The following LRBA variants were observed in gnomAD, a reference collection of about 807,000 sequenced individuals.
The protein encoded by LRBA is LPS responsive beige-like anchor protein.
LRBA carries 176 observed loss-of-function variants against 330.0 expected under a neutral mutation model. The ratio of observed to expected loss-of-function variants is 0.53; its 90% CI spans 0.47 to 0.60. LRBA has a LOEUF of 0.60. Ranked by LOEUF, LRBA falls within the 20% of genes least tolerant of loss-of-function variation. The probability of loss-of-function intolerance (pLI) is 0.00; values close to 1 mark genes in which losing one functional copy is unlikely to be tolerated. For missense variants in LRBA, 3,259 were observed against 3,444.8 expected (o/e 0.95, Z 1.35); for synonymous variants, 1,230 against 1,193.0 (o/e 1.03, Z -0.64).
chr4:150,445,717 T>C (rs1181912541), intron 44 of LRBA, among the ~76,000 whole-genome samples: 1 of 152,110 alleles, frequency 6.6e-6, no homozygotes, highest in Non-Finnish European at 1.5e-5. Flanking sequence ...CTGGCTCACA[T>C]GCAGTGATAC....
At chr4:150,959,537 C>A (rs1260392020) in intron 2 of LRBA, among the ~76,000 whole-genome samples, 1 of 148,930 alleles carries the variant, frequency 6.7e-6, no homozygotes, top group Non-Finnish European at 1.5e-5. Flanking sequence ...TGCCTACTGG[C>A]CAAAAATAAA....
intron 40 of LRBA, chr4:150,581,457 A>G: frequency 3.0e-6 from 1 of 332,438 alleles, no homozygotes; most frequent in Non-Finnish European, 6.0e-6. Context: ...CCTTTCCCAG[A>G]TTCCCCTTTC....
In LRBA at chr4:150,867,875, G is replaced by T. The variant is rs200738977; in HGVS notation, c.2574-12C>A. On this transcript the variant is annotated splice_polypyrimidine_tract_variant and intron_variant, in intron 21 of 56. Transcript: ENST00000651943. The stretch of plus-strand genomic sequence containing the variant: ...ATTGTAGCAAGCTCCTGAAAATTAT[G>T]AGAGGGTACTAAATTACTGAAGAAA... 1.9e-6 allele frequency: 3 copies of T among 1,590,324 alleles called. No homozygotes were observed. The highest frequency in any genetic ancestry group is 2.6e-6 in the Non-Finnish European group (3 of 1,167,124).
intron 47 of LRBA, among the ~76,000 whole-genome samples, chr4:150,374,082 C>T (rs898909878): frequency 6.6e-6 from 1 of 152,176 alleles, no homozygotes; most frequent in Non-Finnish European, 1.5e-5. Context: ...AATCTTCACT[C>T]CTTCACTCAA....
At chr4:150,958,468 A>G (rs10033792) in intron 2 of LRBA, among the ~76,000 whole-genome samples, 10,396 of 149,032 alleles carry the variant, frequency 0.07, 1,310 homozygotes, top group East Asian at 0.19. Flanking sequence ...CAGGCCTGTG[A>G]TGGGAGGGGC....
chr4:150,713,987 C>G (rs1016097972), intron 36 of LRBA, among the ~76,000 whole-genome samples: 15 of 152,126 alleles, frequency 9.9e-5, no homozygotes, highest in African/African-American at 3.4e-4. Flanking sequence ...GTGAGCCAGT[C>G]TGATAGTTTA....
chr4:150,396,251 T>C (rs1429964409), intron 47 of LRBA, among the ~76,000 whole-genome samples: 1 of 152,182 alleles, frequency 6.6e-6, no homozygotes, highest in African/African-American at 2.4e-5. Context: ...TTAGAGCTCC[T>C]GGTCTGTGAG....
intron 2 of LRBA, among the ~76,000 whole-genome samples, chr4:151,011,431 C>T (rs1487264531): frequency 2.0e-5 from 3 of 151,844 alleles, no homozygotes. Flanking sequence ...AACCCCGCCT[C>T]TACCAAAAAT....
In LRBA at chr4:150,891,379, A is replaced by G. The variant is rs182057762; in HGVS notation, c.2165+1673T>C. On this transcript the variant is annotated intron_variant, in intron 17 of 56. Coordinates refer to ENST00000651943, the MANE Select transcript of LRBA (RefSeq NM_001364905.1). ...TGTAAATTTACCTCTTACAATGCTTAACTTTATGTGTCAACTGGGCTAGGC... is the reference window on the plus strand; with the variant it reads ...TGTAAATTTACCTCTTACAATGCTTGACTTTATGTGTCAACTGGGCTAGGC... 1.8e-4 allele frequency among the ~76,000 whole-genome samples: 27 copies of G among 152,356 alleles called. 1 individual carries two copies. The highest frequency in any genetic ancestry group is 3.1e-4 in the Non-Finnish European group (21 of 68,024).
intron 35 of LRBA, among the ~76,000 whole-genome samples, chr4:150,760,683 A>C (rs748494609): frequency 2.0e-5 from 3 of 152,006 alleles, no homozygotes; most frequent in Admixed American, 6.6e-5. Context: ...CATAACCTCC[A>C]ATTTTCTAAT....
At chr4:150,296,258 GACCCCACTCACCCA>G (rs1461214838) in intron 53 of LRBA, among the ~76,000 whole-genome samples, 3 of 152,048 alleles carry the variant, frequency 2.0e-5, no homozygotes, top group African/African-American at 7.2e-5. Flanking sequence ...AAACACTCCT[GACCCCACTCACCCA>G]AAGGAAATAA....
intron 2 of LRBA, among the ~76,000 whole-genome samples, chr4:151,008,255 AT>A (rs1744351194): frequency 6.6e-6 from 1 of 151,728 alleles, no homozygotes; most frequent in Non-Finnish European, 1.5e-5. Flanking sequence ...TAATTTTTGT[AT>A]TTTTAGTAGA....
At chr4:150,415,006 A>G (rs1309045735) in intron 47 of LRBA, among the ~76,000 whole-genome samples, 1 of 152,204 alleles carries the variant, frequency 6.6e-6, no homozygotes, top group Non-Finnish European at 1.5e-5. Context: ...CATATTCTCA[A>G]TATTACACGA....
At chr4:150,756,994 A>C (rs1362403129) in intron 35 of LRBA, among the ~76,000 whole-genome samples, 1 of 152,198 alleles carries the variant, frequency 6.6e-6, no homozygotes, top group Admixed American at 6.5e-5. Context: ...GTATTCAGGA[A>C]TAACAATGTT....
At chr4:150,950,817 CAGAG>C (rs1028013049) in intron 2 of LRBA, among the ~76,000 whole-genome samples, 6 of 152,164 alleles carry the variant, frequency 3.9e-5, no homozygotes, top group African/African-American at 1.4e-4. Flanking sequence ...ACCCAGGTCA[CAGAG>C]AGGTCACTTA....
At chr4:150,678,261 A>T in intron 37 of LRBA, among the ~76,000 whole-genome samples, 1 of 150,890 alleles carries the variant, frequency 6.6e-6, no homozygotes. Context: ...AAAAAAAAAG[A>T]AAGAAAAGTA....
intron 37 of LRBA, among the ~76,000 whole-genome samples, chr4:150,658,245 G>A (rs959126293): frequency 2.0e-5 from 3 of 151,222 alleles, no homozygotes; most frequent in Admixed American, 6.6e-5. Flanking sequence ...CCTTATTCTG[G>A]AAGAGTAATA....
At chr4:150,449,489 C>T (rs1412429455) in intron 44 of LRBA, among the ~76,000 whole-genome samples, 1 of 147,896 alleles carries the variant, frequency 6.8e-6, no homozygotes, top group Non-Finnish European at 1.5e-5. Flanking sequence ...ACAAGCCTGG[C>T]ACTGAGTTAC....
At chr4:150,431,909 A>G (rs1199322337) in intron 46 of LRBA, among the ~76,000 whole-genome samples, 1 of 152,152 alleles carries the variant, frequency 6.6e-6, no homozygotes, top group Middle Eastern at 3.2e-3. Flanking sequence ...GCTATAAATA[A>G]AAGATTGCTT....
Sources: gnomAD v4.1 joint callset for allele counts (sites outside exome capture counted in the v4.1 genomes callset) on GRCh38, gnomAD v4.1.1 for gene constraint, MANE v1.5 for transcripts, NCBI Gene and HGNC (gene_info 2026-07-23, HGNC 2026-07-21) for gene names.